TMEM132D: variants seen among roughly 807,000 people sequenced by gnomAD.
TMEM132D encodes transmembrane protein 132D.
In TMEM132D, 21 loss-of-function variants were observed where a neutral mutation model predicts 62.3. The observed-to-expected ratio is 0.34, with a 90% CI of 0.24 to 0.49. The LOEUF (loss-of-function observed/expected upper bound fraction) is 0.49, where lower values mean the gene tolerates loss of function less well. TMEM132D is among the 20% of genes least tolerant of loss of function. The probability of loss-of-function intolerance (pLI) is 0.99; values close to 1 mark genes in which losing one functional copy is unlikely to be tolerated. For synonymous variants in TMEM132D, 621 were observed against 575.6 expected (o/e 1.08, Z -1.13); for missense variants, 1,346 against 1,402.8 (o/e 0.96, Z 0.65).
intron 3 of TMEM132D, among the ~76,000 whole-genome samples, chr12:129,526,289 A>AT (rs937812065): frequency 2.0e-5 from 3 of 151,462 alleles, no homozygotes; most frequent in Non-Finnish European, 2.9e-5. Context: ...TTTTTTTCTT[A>AT]TTTTTTTCCT....
chr12:129,682,733 C>A (rs560155759), intron 2 of TMEM132D, among the ~76,000 whole-genome samples: 1 of 151,662 alleles, frequency 6.6e-6, no homozygotes, highest in Non-Finnish European at 1.5e-5. Context: ...GTGGCGGGTG[C>A]CTGTAGTCCC....
chr12:129,664,234 G>A (rs966128699), intron 2 of TMEM132D, among the ~76,000 whole-genome samples: 3 of 152,116 alleles, frequency 2.0e-5, no homozygotes, highest in Non-Finnish European at 4.4e-5. Flanking sequence ...GGCAGCCCAA[G>A]CCTACAGCTC....
chr12:129,561,960 T>G (rs1178740469), intron 2 of TMEM132D, among the ~76,000 whole-genome samples: 1 of 152,222 alleles, frequency 6.6e-6, no homozygotes, highest in Non-Finnish European at 1.5e-5. Flanking sequence ...TCTGTGCAAA[T>G]TAATTCAGAG....
intron 2 of TMEM132D, among the ~76,000 whole-genome samples, chr12:129,613,559 C>T (rs1202514526): frequency 6.6e-6 from 1 of 152,196 alleles, no homozygotes; most frequent in Non-Finnish European, 1.5e-5. Context: ...GTCACATGAC[C>T]CCAGTTTAAA....
intron 4 of TMEM132D, among the ~76,000 whole-genome samples, chr12:129,307,273 G>A (rs1881867838): frequency 1.3e-5 from 2 of 152,118 alleles, no homozygotes; most frequent in African/African-American, 2.4e-5. Context: ...AAGTGACAGT[G>A]ACTGGGAAAC....
rs1340153254 is a variant in TMEM132D at position 129,407,166 on chromosome 12, T to G, written c.1116-69349A>C. The stretch of plus-strand genomic sequence containing the variant: ...TTAAATTAGCTTGCTTCATAGCACT[T>G]CAGCAACATTAGCTTATAATTACAA... On this transcript the variant is annotated intron_variant, in intron 3 of 8. Coordinates refer to ENST00000422113, the MANE Select transcript of TMEM132D (RefSeq NM_133448.3). 4.6e-5 allele frequency among the ~76,000 whole-genome samples: 7 copies of G among 152,350 alleles called. No individual in the cohort carries two copies. In the East Asian group the frequency reaches 5.8e-4, roughly 13 times the overall value.
At chr12:129,747,214 T>TTCTCCCTCCTCCCGC (rs1555229163) in intron 1 of TMEM132D, among the ~76,000 whole-genome samples, 28 of 5,760 alleles carry the variant, frequency 4.9e-3, no homozygotes, top group Admixed American at 6.7e-3. Flanking sequence ...TTACTCCTCC[T>TTCTCCCTCCTCCCGC]TCCAGCCACC....
intron 3 of TMEM132D, among the ~76,000 whole-genome samples, chr12:129,468,761 C>T (rs1291238520): frequency 6.6e-6 from 1 of 152,212 alleles, no homozygotes; most frequent in Non-Finnish European, 1.5e-5. Context: ...TTGAAAACAA[C>T]TCTTCCCTCT....
intron 1 of TMEM132D, among the ~76,000 whole-genome samples, chr12:129,835,739 C>T (rs1356998501): frequency 1.3e-5 from 2 of 152,342 alleles, no homozygotes; most frequent in Middle Eastern, 3.4e-3. Context: ...CTAATACTCA[C>T]GCGCCTTCCC....
intron 1 of TMEM132D, among the ~76,000 whole-genome samples, chr12:129,898,787 C>T (rs760644839): frequency 1.3e-5 from 2 of 152,342 alleles, no homozygotes; most frequent in Non-Finnish European, 2.9e-5. Context: ...TGCTTTTCCT[C>T]ACTACGGTAC....
chr12:129,332,297 C>T (rs1186429163), intron 4 of TMEM132D, among the ~76,000 whole-genome samples: 1 of 151,658 alleles, frequency 6.6e-6, no homozygotes, highest in Non-Finnish European at 1.5e-5. Context: ...GATTAAGAAA[C>T]TAAAAAGTTT....
chr12:129,094,993 G>A (rs1238696319), intron 5 of TMEM132D, among the ~76,000 whole-genome samples: 1 of 147,756 alleles, frequency 6.8e-6, no homozygotes, highest in Non-Finnish European at 1.5e-5. Context: ...GAGAACACAT[G>A]GACACAGGAA....
chr12:129,859,587 G>T (rs1873827641), intron 1 of TMEM132D, among the ~76,000 whole-genome samples: 1 of 152,204 alleles, frequency 6.6e-6, no homozygotes, highest in Non-Finnish European at 1.5e-5. Flanking sequence ...ACTGGGAGAT[G>T]CAGACCCACC....
chr12:129,074,097 A>G lies in TMEM132D; in HGVS notation c.3078T>C (p.Asp1026=). 2 of 1,614,068 alleles carry G rather than the reference A, an allele frequency of 1.2e-6. No homozygotes were observed. The highest frequency in any genetic ancestry group is 1.1e-5 in the South Asian group (1 of 91,062). Residue 1026 remains aspartate, a synonymous_variant, in exon 9 of 9, where the codon GAT becomes GAC. Coordinates refer to ENST00000422113, the MANE Select transcript of TMEM132D (RefSeq NM_133448.3). ...LFKPLGPIII[D]GKDQKSEPPT... is the part of the protein sequence containing the mutation. ...GGGGCTCACTTTTCTGATCTTTCCC[A>G]TCAATGATGATGGGTCCCAAAGGTT...
chr12:129,878,636 G>GC (rs956898146), intron 1 of TMEM132D, among the ~76,000 whole-genome samples: 8 of 151,908 alleles, frequency 5.3e-5, no homozygotes, highest in African/African-American at 1.9e-4. Context: ...GAGTGCAGTG[G>GC]CATGACCTCA....
At chr12:129,329,725 AC>A (rs1869045205) in intron 4 of TMEM132D, among the ~76,000 whole-genome samples, 1 of 152,138 alleles carries the variant, frequency 6.6e-6, no homozygotes, top group South Asian at 2.1e-4. Flanking sequence ...CTGAGCATCT[AC>A]TATGGGCTGG....
At chr12:129,438,701 C>T (rs777549050) in intron 3 of TMEM132D, among the ~76,000 whole-genome samples, 1 of 152,080 alleles carries the variant, frequency 6.6e-6, no homozygotes, top group African/African-American at 2.4e-5. Flanking sequence ...CCTGTATAAG[C>T]GACTGCATCA....
chr12:129,076,583 T>G (rs1273185230), intron 8 of TMEM132D, among the ~76,000 whole-genome samples: 1 of 152,244 alleles, frequency 6.6e-6, no homozygotes, highest in African/African-American at 2.4e-5. Flanking sequence ...TTGGACTACC[T>G]GCTAAGCGGA....
intron 2 of TMEM132D, among the ~76,000 whole-genome samples, chr12:129,697,841 TGTCA>T (rs1881243040): frequency 6.6e-6 from 1 of 152,130 alleles, no homozygotes; most frequent in Non-Finnish European, 1.5e-5. Context: ...ATGTTTAGTG[TGTCA>T]TAAAGTCATG....
Sources: gnomAD v4.1 joint callset for allele counts (sites outside exome capture counted in the v4.1 genomes callset) on GRCh38, gnomAD v4.1.1 for gene constraint, MANE v1.5 for transcripts, NCBI Gene and HGNC (gene_info 2026-07-23, HGNC 2026-07-21) for gene names.